Variants in VWA3B observed in about 807,000 individuals in gnomAD.
VWA3B encodes the protein von Willebrand factor A domain containing 3B, also known as von Willebrand factor A domain-containing protein 3B.
VWA3B carries 138 observed loss-of-function variants against 158.3 expected under a neutral mutation model. The ratio of observed to expected loss-of-function variants is 0.87; its 90% confidence interval spans 0.76 to 1.00. The LOEUF (loss-of-function observed/expected upper bound fraction) is 1.00, where lower values mean the gene tolerates loss of function less well. VWA3B is among the 50% of genes least tolerant of loss of function. The pLI is 0.00. For synonymous variants in VWA3B, 596 were observed against 587.3 expected (o/e 1.01, Z -0.21); for missense variants, 1,555 against 1,565.1 (o/e 0.99, Z 0.11).
intron 8 of VWA3B, among the ~76,000 whole-genome samples, chr2:98,179,810 CTTTCTTTCTTTCTTTCTT>C (rs1480837645): frequency 3.4e-5 from 4 of 118,970 alleles, no homozygotes; most frequent in Non-Finnish European, 4.9e-5. Flanking sequence ...TTCTTTCTTT[CTTTCTTTCTTTCTTTCTT>C]TTTCTTTCTT....
At chr2:98,245,422 G>T (rs1257523261) in intron 19 of VWA3B, 2 of 392,164 alleles carry the variant, frequency 5.1e-6, no homozygotes, top group Non-Finnish European at 1.0e-5. Context: ...TCTCCACGCA[G>T]CCACCATGTT....
At chr2:98,251,347 G>T (rs886120918) in intron 20 of VWA3B, among the ~76,000 whole-genome samples, 2 of 152,138 alleles carry the variant, frequency 1.3e-5, no homozygotes, top group African/African-American at 4.8e-5. Flanking sequence ...AAACTCGACA[G>T]TAATGAGATA....
intron 17 of VWA3B, 63 bp from the exon 18 acceptor site, chr2:98,236,327 T>G: frequency 6.4e-7 from 1 of 1,565,430 alleles, no homozygotes; most frequent in South Asian, 1.1e-5. Flanking sequence ...GCGTGATCCC[T>G]TTGCATTTTA....
At chr2:98,287,509 C>A (rs1343316116) in intron 22 of VWA3B, among the ~76,000 whole-genome samples, 1 of 152,028 alleles carries the variant, frequency 6.6e-6, no homozygotes, top group Non-Finnish European at 1.5e-5. Flanking sequence ...ATGAAGGCTA[C>A]AGGGGATTTT....
chr2:98,169,715 CTGTGTGTGTGTGTG>C lies in VWA3B; in HGVS notation c.1114+6773_1114+6786del, dbSNP rs61535424. ...CGTGGGTGGGACACACCTGGGCATT[CTGTGTGTGTGTGTG>C]TGTGTGTGTGTGTGTGTGTGTGTGT... is the stretch of plus-strand genomic sequence containing the variant. On this transcript the variant is annotated intron_variant, in intron 8 of 27. Coordinates refer to ENST00000477737, the MANE Select transcript of VWA3B (RefSeq NM_144992.5). Among the ~76,000 whole-genome samples, 160 of 134,334 alleles carry C rather than the reference CTGTGTGTGTGTGTG, an allele frequency of 1.2e-3. 1 individual carries two copies. Among genetic ancestry groups the C allele is most frequent in the African/African-American group, 3.7e-3 (136 of 36,850 alleles). The allele number at this position is 134,334 out of a possible 152,430, so 88.1% of individuals were successfully genotyped here. A position where few individuals can be genotyped will look rare whatever the true frequency, so the allele number is the denominator to read the frequency against.
intron 2 of VWA3B, among the ~76,000 whole-genome samples, chr2:98,106,726 A>G (rs1673694287): frequency 6.6e-6 from 1 of 152,188 alleles, no homozygotes; most frequent in African/African-American, 2.4e-5. Flanking sequence ...TGACTTTTGC[A>G]TGTTAACCTT....
At chr2:98,195,782 AAC>A (rs1477496270) in intron 12 of VWA3B, among the ~76,000 whole-genome samples, 1 of 152,220 alleles carries the variant, frequency 6.6e-6, no homozygotes, top group East Asian at 1.9e-4. Flanking sequence ...TTTGGCTAAA[AAC>A]ACATATTCCT....
intron 20 of VWA3B, 82 bp downstream of exon 20, chr2:98,250,518 T>G (rs1558726647): frequency 5.5e-6 from 1 of 182,338 alleles, no homozygotes; most frequent in Non-Finnish European, 1.0e-5. Context: ...TTAGCTTAGC[T>G]TTTTTTTTTT....
chr2:98,285,690 A>G (rs1487720867), intron 22 of VWA3B, among the ~76,000 whole-genome samples: 1 of 151,826 alleles, frequency 6.6e-6, no homozygotes, highest in Non-Finnish European at 1.5e-5. Context: ...AAGTCCTCCA[A>G]ATTTGTTCTT....
chr2:98,244,748 T>G (rs1686284829), intron 19 of VWA3B, among the ~76,000 whole-genome samples: 1 of 152,180 alleles, frequency 6.6e-6, no homozygotes, highest in East Asian at 1.9e-4. Context: ...TGCAATTAAA[T>G]ACATTTGTCT....
chr2:98,320,642 A>C, the VWA3B span, among the ~76,000 whole-genome samples: 1 of 152,230 alleles, frequency 6.6e-6, no homozygotes, highest in Admixed American at 6.5e-5. Flanking sequence ...TGCCTTTGCT[A>C]TGCAAAGAGA....
intron 2 of VWA3B, among the ~76,000 whole-genome samples, chr2:98,107,903 G>A (rs1673803489): frequency 6.6e-6 from 1 of 151,462 alleles, no homozygotes; most frequent in Admixed American, 6.6e-5. Flanking sequence ...CCTTCTGCTT[G>A]TTTGGGTTTA....
chr2:98,162,171 G>A (rs1383807765), intron 7 of VWA3B, among the ~76,000 whole-genome samples: 2 of 18,948 alleles, frequency 1.1e-4, no homozygotes, highest in Middle Eastern at 0.029. Flanking sequence ...CGGCCCACCC[G>A]CCCCAACATC....
chr2:98,276,268 G>A (rs1416023053), intron 22 of VWA3B, among the ~76,000 whole-genome samples: 2 of 152,136 alleles, frequency 1.3e-5, no homozygotes, highest in Admixed American at 6.5e-5. Context: ...ACTTCAAAAT[G>A]CCATTACTGT....
At position 98,129,927 on chromosome 2, in the gene VWA3B, C is replaced by T. The variant is rs139979348; in HGVS notation, c.872+1519C>T. On this transcript the variant is annotated intron_variant, in intron 6 of 27. Coordinates refer to ENST00000477737, the MANE Select transcript of VWA3B (RefSeq NM_144992.5). ...CCCCTCCACACCTGTGAGTGTTTCTCGTTAGGTGGAACGAGAGATTTGGAA... is the reference window on the plus strand; with the variant it reads ...CCCCTCCACACCTGTGAGTGTTTCTTGTTAGGTGGAACGAGAGATTTGGAA... 9.5e-3 allele frequency among the ~76,000 whole-genome samples: 1,453 copies of T among 152,158 alleles called. 38 individuals are homozygous for T. The highest frequency in any genetic ancestry group is 0.033 in the African/African-American group (1,387 of 41,486).
At chr2:98,124,677 T>C (rs1226177532) in intron 5 of VWA3B, among the ~76,000 whole-genome samples, 1 of 152,236 alleles carries the variant, frequency 6.6e-6, no homozygotes, top group Non-Finnish European at 1.5e-5. Context: ...GCTGCTGTTC[T>C]GGTTGACTTT....
rs540623086 is a variant in VWA3B, at chr2:98,139,888, C to T, written c.988+5949C>T. 1.0e-3 allele frequency among the ~76,000 whole-genome samples: 154 copies of T among 152,278 alleles called. 1 individual carries two copies. In the Middle Eastern group the frequency reaches 0.014, roughly 13 times the overall value. Reference sequence around the variant, plus strand: ...GGAAGCTTTGTTCTTTCGCTCTTTGCAATAAATCTTGCTACTGCTCACTCT... The same window carrying T: ...GGAAGCTTTGTTCTTTCGCTCTTTGTAATAAATCTTGCTACTGCTCACTCT... On this transcript the variant is annotated intron_variant, in intron 7 of 27. Coordinates refer to ENST00000477737, the MANE Select transcript of VWA3B (RefSeq NM_144992.5).
intron 26 of VWA3B, among the ~76,000 whole-genome samples, chr2:98,309,400 A>T (rs947992491): frequency 1.3e-5 from 2 of 152,150 alleles, no homozygotes; most frequent in East Asian, 3.9e-4. Flanking sequence ...GGTCCTGGGG[A>T]CATGGCTATG....
At chr2:98,108,405 A>G (rs1026859033) in intron 2 of VWA3B, among the ~76,000 whole-genome samples, 2 of 151,866 alleles carry the variant, frequency 1.3e-5, no homozygotes, top group African/African-American at 2.4e-5. Context: ...ATCCTTCCTG[A>G]TTTTCTTGTT....
Sources: allele counts gnomAD v4.1 joint callset (sites outside exome capture counted in the v4.1 genomes callset), GRCh38; gene constraint gnomAD v4.1.1; transcripts MANE v1.5; gene names NCBI Gene and HGNC (gene_info 2026-07-23, HGNC 2026-07-21).